Variants in PDZD2 observed in about 807,000 individuals in gnomAD.
PDZD2 encodes the protein PDZ domain-containing protein 2.
In PDZD2, 90 loss-of-function variants were observed where a neutral mutation model predicts 220.7. That is an observed-to-expected ratio of 0.41 (90% CI 0.34 to 0.49). PDZD2 has a LOEUF of 0.49. PDZD2 is among the 20% of genes least tolerant of loss of function. The pLI is 0.28. For synonymous variants in PDZD2, 1,375 were observed against 1,450.5 expected, an observed-to-expected ratio of 0.95 and a Z score of 1.18; for missense variants, 3,174 against 3,608.5, an observed-to-expected ratio of 0.88 and a Z score of 3.08.
intron 24 of PDZD2, among the ~76,000 whole-genome samples, chr5:32,105,861 G>A (rs1744712456): frequency 6.6e-6 from 1 of 152,124 alleles, no homozygotes; most frequent in South Asian, 2.1e-4. Flanking sequence ...AATAGCAGTG[G>A]TTTAAACGAG....
At chr5:32,039,437 C>T (rs936904343) in intron 7 of PDZD2, among the ~76,000 whole-genome samples, 17 of 149,906 alleles carry the variant, frequency 1.1e-4, no homozygotes, top group Non-Finnish European at 1.9e-4. Flanking sequence ...AATGCAGTGG[C>T]GTAATCTCAG....
At chr5:32,073,478 G>A (rs952085362) in intron 17 of PDZD2, among the ~76,000 whole-genome samples, 11 of 152,232 alleles carry the variant, frequency 7.2e-5, no homozygotes, top group Admixed American at 6.5e-4. Flanking sequence ...TTCTATGGAG[G>A]AATTCTCAGC....
Position 31,799,029 on chromosome 5 carries a change from A to G in PDZD2, c.-220A>G. The G allele has an allele frequency of 1.8e-6, 1 of 562,300 alleles. No homozygotes were observed. Among genetic ancestry groups the G allele is most frequent in the African/African-American group, 1.9e-5 (1 of 53,606 alleles). 34.8% of individuals were successfully genotyped at this position (562,300 alleles called of 1,614,324 possible). On this transcript the variant is annotated 5_prime_UTR_variant, in exon 2 of 25. Coordinates refer to ENST00000438447, the MANE Select transcript of PDZD2 (RefSeq NM_178140.4). ...CCTTCCTTCCCTCATTGAGCACTCCAGTGCCATTGTTCCACAGTTGTTCTA... is the reference window on the plus strand; with the variant it reads ...CCTTCCTTCCCTCATTGAGCACTCCGGTGCCATTGTTCCACAGTTGTTCTA...
chr5:32,105,605 C>T (rs974974268), intron 24 of PDZD2, among the ~76,000 whole-genome samples: 4 of 151,994 alleles, frequency 2.6e-5, no homozygotes, highest in African/African-American at 9.7e-5. Flanking sequence ...TAACTGGGAC[C>T]GGCTCAAAAA....
chr5:31,847,296 A>C, intron 2 of PDZD2: 3 of 318,042 alleles, frequency 9.4e-6, no homozygotes, highest in Non-Finnish European at 1.2e-5. Context: ...GTTGTCAGGA[A>C]TAAGGCCTAC....
intron 2 of PDZD2, among the ~76,000 whole-genome samples, chr5:31,938,192 G>A (rs1361389289): frequency 6.6e-6 from 1 of 152,198 alleles, no homozygotes; most frequent in Non-Finnish European, 1.5e-5. Context: ...GATTACAGGT[G>A]TGAGCCACTG....
chr5:31,678,535 C>T (rs1239585104), intron 1 of PDZD2, among the ~76,000 whole-genome samples: 2 of 152,076 alleles, frequency 1.3e-5, no homozygotes, highest in African/African-American at 2.4e-5. Context: ...TGGGGGACGT[C>T]TGGAGCCTGG....
At chr5:31,811,505 AG>A (rs1755107765) in intron 2 of PDZD2, among the ~76,000 whole-genome samples, 1 of 152,156 alleles carries the variant, frequency 6.6e-6, no homozygotes, top group African/African-American at 2.4e-5. Context: ...TTGGGGAGGA[AG>A]GCTGGGCTAG....
chr5:32,010,490 G>C lies in PDZD2; in HGVS notation c.1407+8G>C. 6.2e-7 allele frequency: 1 copy of C among 1,600,854 alleles called. No individual in the cohort carries two copies. The highest frequency in any genetic ancestry group is 8.5e-7 in the Non-Finnish European group (1 of 1,169,684). ...TCTTCTGTCCAGAGAGCAGTAAGTG[G>C]CTCTGTGCTCCTGGCTTTCTGTTGG... On this transcript the variant is annotated splice_region_variant and intron_variant, in intron 6 of 24. Coordinates refer to ENST00000438447, the MANE Select transcript of PDZD2 (RefSeq NM_178140.4).
At chr5:31,852,475 G>T (rs2150300324) in intron 2 of PDZD2, among the ~76,000 whole-genome samples, 1 of 151,958 alleles carries the variant, frequency 6.6e-6, no homozygotes, top group East Asian at 2.0e-4. Flanking sequence ...TAATAGAGAT[G>T]GGGTTTCACC....
At position 31,983,463 on chromosome 5, in the gene PDZD2, A is replaced by T; in HGVS notation, c.785A>T (p.His262Leu). 6.2e-7 allele frequency: 1 copy of T among 1,614,194 alleles called. No individual in the cohort carries two copies. The highest frequency in any genetic ancestry group is 8.5e-7 in the Non-Finnish European group (1 of 1,180,026). The change falls in exon 3 of 25, where the codon CAT becomes CTT. Residue 262 changes from histidine (H) to leucine (L), a missense_variant. Physicochemically the swap from His to Leu is moderately conservative, Grantham distance 99. Coordinates refer to ENST00000438447, the MANE Select transcript of PDZD2 (RefSeq NM_178140.4). ...NGPDPELGNG[H>L]VFQLENGPDS... ...CCTGACCCTGAACTTGGAAACGGCC[A>T]TGTCTTTCAGCTAGAAAATGGCCCA...
intron 1 of PDZD2, among the ~76,000 whole-genome samples, chr5:31,678,070 A>G (rs536849178): frequency 6.6e-6 from 1 of 152,356 alleles, no homozygotes; most frequent in South Asian, 2.1e-4. Flanking sequence ...GGTTTATTAC[A>G]TGTCAATTAT....
At chr5:31,921,796 T>C (rs1318536208) in intron 2 of PDZD2, among the ~76,000 whole-genome samples, 1 of 152,172 alleles carries the variant, frequency 6.6e-6, no homozygotes, top group Non-Finnish European at 1.5e-5. Flanking sequence ...CTTTTTTTCA[T>C]AGGTCATAGA....
intron 1 of PDZD2, among the ~76,000 whole-genome samples, chr5:31,722,546 A>C (rs1423904209): frequency 2.6e-5 from 4 of 152,238 alleles, no homozygotes; most frequent in African/African-American, 9.6e-5. Context: ...ATGTTTTAAA[A>C]GTTGTACACA....
intron 2 of PDZD2, among the ~76,000 whole-genome samples, chr5:31,854,284 C>T (rs1580899241): frequency 6.6e-6 from 1 of 152,192 alleles, no homozygotes; most frequent in East Asian, 1.9e-4. Flanking sequence ...GGCTGCAGGG[C>T]CCAGGCCCAC....
chr5:31,838,098 C>CTCG (rs1480904307), intron 2 of PDZD2, among the ~76,000 whole-genome samples: 6 of 152,130 alleles, frequency 3.9e-5, no homozygotes, highest in Non-Finnish European at 7.4e-5. Context: ...ACCCCAGGGT[C>CTCG]CACTGTTGGA....
intron 1 of PDZD2, among the ~76,000 whole-genome samples, chr5:31,793,649 A>G (rs1376982523): frequency 9.2e-5 from 14 of 152,198 alleles, no homozygotes; most frequent in Admixed American, 9.2e-4. Context: ...TCTACTAAAA[A>G]TACAAAAAAT....
At chr5:31,882,968 T>G (rs946710518) in intron 2 of PDZD2, among the ~76,000 whole-genome samples, 1 of 135,862 alleles carries the variant, frequency 7.4e-6, no homozygotes, top group African/African-American at 2.8e-5. Context: ...AGGCAGAGGT[T>G]GCAGTGAGCC....
rs775186806 is a variant in PDZD2, at chr5:31,983,458, C to T, written c.780C>T (p.Asn260=). 8.7e-6 allele frequency: 14 copies of T among 1,614,154 alleles called. No homozygotes were observed. In the South Asian group the frequency reaches 8.8e-5, roughly 10 times the overall value. Residue 260 remains asparagine, a synonymous_variant, in exon 3 of 25, where the codon AAC becomes AAT. Coordinates refer to ENST00000438447, the MANE Select transcript of PDZD2 (RefSeq NM_178140.4). ...ACGGCCCTGACCCTGAACTTGGAAA[C>T]GGCCATGTCTTTCAGCTAGAAAATG... The part of the protein sequence containing the change: ...LENGPDPELG[N]GHVFQLENGP...
Sources: allele counts gnomAD v4.1 joint callset (sites outside exome capture counted in the v4.1 genomes callset), GRCh38; gene constraint gnomAD v4.1.1; transcripts MANE v1.5; gene names NCBI Gene and HGNC (gene_info 2026-07-23, HGNC 2026-07-21).